Variants in LRP1B observed in about 807,000 individuals in gnomAD.
LRP1B encodes low-density lipoprotein receptor-related protein 1B.
In LRP1B, 217 loss-of-function variants were observed where a neutral mutation model predicts 556.6. The observed-to-expected ratio is 0.39, with a 90% CI of 0.35 to 0.44. LRP1B has a LOEUF of 0.44. LRP1B is among the 20% of genes least tolerant of loss of function. The probability of loss-of-function intolerance (pLI) is 1.00; values close to 1 mark genes in which losing one functional copy is unlikely to be tolerated. For missense variants in LRP1B, 5,053 were observed against 5,620.8 expected (o/e 0.90, Z 3.23); for synonymous variants, 2,047 against 1,865.8 (o/e 1.10, Z -2.50).
At position 140,232,478 on chromosome 2, in the gene LRP1B, GT is replaced by G. The variant is rs1680514909; in HGVS notation, c.*707del. The G allele has an allele frequency of 6.6e-6, 1 of 151,676 alleles. No individual in the cohort carries two copies. Among genetic ancestry groups the G allele is most frequent in the African/African-American group, 2.4e-5 (1 of 41,286 alleles). 9.4% of individuals were successfully genotyped at this position (151,676 alleles called of 1,614,324 possible). A position where few individuals can be genotyped will look rare whatever the true frequency, so the allele number is the denominator to read the frequency against. On this transcript the variant is annotated 3_prime_UTR_variant, in exon 91 of 91. Transcript: ENST00000389484. Reference sequence around the variant, plus strand: ...CAACTTTCGGTTATATTTTTGCTATGTTCTACCACCTAAATATAACTATTGC... The same window carrying G: ...CAACTTTCGGTTATATTTTTGCTATGTCTACCACCTAAATATAACTATTGC...
In LRP1B at chr2:141,046,608, G is replaced by A. The variant is rs149580184; in HGVS notation, c.1789+2378C>T. On this transcript the variant is annotated intron_variant, in intron 11 of 90. Coordinates refer to ENST00000389484, the MANE Select transcript of LRP1B (RefSeq NM_018557.3). Reference sequence around the variant, plus strand: ...GCAGTACTGGACAGATATGCCTGGCGGTCATTGTGGCTATTAGAGTCGATC... The same window carrying A: ...GCAGTACTGGACAGATATGCCTGGCAGTCATTGTGGCTATTAGAGTCGATC... 1.1e-3 allele frequency among the ~76,000 whole-genome samples: 164 copies of A among 152,174 alleles called. 3 individuals are homozygous for A. The East Asian group carries it at 0.024, about 22-fold the overall frequency.
At chr2:141,376,241 G>T (rs1345305105) in intron 3 of LRP1B, among the ~76,000 whole-genome samples, 1 of 152,058 alleles carries the variant, frequency 6.6e-6, no homozygotes, top group Non-Finnish European at 1.5e-5. Context: ...CAATCTTTAG[G>T]TATCTCCATA....
intron 86 of LRP1B, among the ~76,000 whole-genome samples, chr2:140,265,068 T>G (rs1306594093): frequency 1.3e-5 from 2 of 151,874 alleles, no homozygotes; most frequent in Non-Finnish European, 2.9e-5. Flanking sequence ...TTGTGGATAT[T>G]GCTGAGAAGT....
chr2:140,348,062 A>G (rs1444473870), intron 77 of LRP1B, among the ~76,000 whole-genome samples: 2 of 152,038 alleles, frequency 1.3e-5, no homozygotes, highest in Non-Finnish European at 2.9e-5. Context: ...TAGATATATG[A>G]CATGTCATAC....
At chr2:140,317,914 A>C (rs1684598691) in intron 82 of LRP1B, among the ~76,000 whole-genome samples, 1 of 152,104 alleles carries the variant, frequency 6.6e-6, no homozygotes, top group Non-Finnish European at 1.5e-5. Context: ...CAAAACTCAT[A>C]ATAATGGTTC....
Position 141,951,103 on chromosome 2 carries a change from C to A in LRP1B, c.83-140702G>T, listed in dbSNP as rs550074715. On this transcript the variant is annotated intron_variant, in intron 1 of 90. Coordinates refer to ENST00000389484, the MANE Select transcript of LRP1B (RefSeq NM_018557.3). The stretch of plus-strand genomic sequence containing the variant: ...TTTTGTCCCATAGTGATAATGGCTG[C>A]GTAAATAAGAGTATGTTCATATTTT... Among the ~76,000 whole-genome samples the A allele has an allele frequency of 2.0e-5, 3 of 152,166 alleles. No homozygotes were observed. In the South Asian group the frequency reaches 6.2e-4, roughly 32 times the overall value.
chr2:141,055,546 CAT>C (rs918784440), intron 9 of LRP1B, among the ~76,000 whole-genome samples: 1 of 151,764 alleles, frequency 6.6e-6, no homozygotes, highest in African/African-American at 2.4e-5. Context: ...ATAAAAGTAA[CAT>C]AACTTTTTTT....
At chr2:140,979,678 CTA>C (rs1378341370) in intron 18 of LRP1B, among the ~76,000 whole-genome samples, 7 of 152,122 alleles carry the variant, frequency 4.6e-5, no homozygotes, top group Non-Finnish European at 7.4e-5. Context: ...CCTACTATAA[CTA>C]TATGTGCATT....
At chr2:140,858,645 T>C (rs1304305113) in intron 27 of LRP1B, among the ~76,000 whole-genome samples, 3 of 152,166 alleles carry the variant, frequency 2.0e-5, no homozygotes, top group African/African-American at 7.2e-5. Context: ...GGTAAACATG[T>C]GCCATGGTGG....
chr2:141,361,755 G>A (rs1042423256), intron 3 of LRP1B, among the ~76,000 whole-genome samples: 1 of 152,102 alleles, frequency 6.6e-6, no homozygotes, highest in Non-Finnish European at 1.5e-5. Context: ...GAAGAAGAAC[G>A]CTGTTCAGTC....
chr2:140,968,074 T>A (rs577765163), intron 18 of LRP1B, among the ~76,000 whole-genome samples: 7 of 145,630 alleles, frequency 4.8e-5, no homozygotes, highest in African/African-American at 1.5e-4. Flanking sequence ...TCCCTCTTTT[T>A]CTATTGATTG....
intron 60 of LRP1B, among the ~76,000 whole-genome samples, chr2:140,469,457 AT>A (rs1422913471): frequency 2.6e-5 from 4 of 152,210 alleles, no homozygotes; most frequent in African/African-American, 9.6e-5. Flanking sequence ...CTGTTAAAGC[AT>A]CCCAGACAGA....
At chr2:140,420,021 A>G (rs1321787971) in intron 66 of LRP1B, among the ~76,000 whole-genome samples, 1 of 151,660 alleles carries the variant, frequency 6.6e-6, no homozygotes, top group African/African-American at 2.4e-5. Flanking sequence ...AAAGAAAAAA[A>G]AAAAAAAAAA....
At chr2:141,819,260 A>C (rs13383929) in intron 1 of LRP1B, among the ~76,000 whole-genome samples, 36,280 of 94,650 alleles carry the variant, frequency 0.38, 4,452 homozygotes, top group Non-Finnish European at 0.4. Flanking sequence ...AACAAACAAA[A>C]AAAAAAACAA....
At chr2:141,089,247 A>G (rs2104905817) in intron 7 of LRP1B, among the ~76,000 whole-genome samples, 1 of 152,294 alleles carries the variant, frequency 6.6e-6, no homozygotes, top group East Asian at 1.9e-4. Flanking sequence ...ATTGTTTTTT[A>G]TGATTTCAAT....
At chr2:140,976,066 C>A (rs1256408784) in intron 18 of LRP1B, among the ~76,000 whole-genome samples, 1 of 151,862 alleles carries the variant, frequency 6.6e-6, no homozygotes, top group Non-Finnish European at 1.5e-5. Context: ...TACAGGTACC[C>A]ATCACCACCC....
chr2:140,735,887 G>C (rs1361369708), intron 35 of LRP1B, among the ~76,000 whole-genome samples: 3 of 152,018 alleles, frequency 2.0e-5, no homozygotes, highest in African/African-American at 7.2e-5. Flanking sequence ...AACCAGAAAG[G>C]ACCAGGGAAA....
At chr2:141,250,776 AATTGAAC>A (rs1684233746) in intron 4 of LRP1B, among the ~76,000 whole-genome samples, 1 of 152,132 alleles carries the variant, frequency 6.6e-6, no homozygotes, top group Non-Finnish European at 1.5e-5. Flanking sequence ...AATTGGGTTG[AATTGAAC>A]TGTTGGACAC....
chr2:140,716,208 G>T, intron 36 of LRP1B, 106 bp from the exon 37 acceptor site: 1 of 776,778 alleles, frequency 1.3e-6, no homozygotes, highest in Non-Finnish European at 2.0e-6. Context: ...TCAAGAAACT[G>T]TTTACTTCCT....
Sources: allele counts gnomAD v4.1 joint callset (sites outside exome capture counted in the v4.1 genomes callset), GRCh38; gene constraint gnomAD v4.1.1; transcripts MANE v1.5; gene names NCBI Gene and HGNC (gene_info 2026-07-23, HGNC 2026-07-21).